The following DDAH1 variants were observed in gnomAD, a reference collection of about 807,000 sequenced individuals.
DDAH1 encodes the protein dimethylarginine dimethylaminohydrolase 1.
DDAH1 carries 19 observed loss-of-function variants against 28.8 expected under a neutral mutation model. That is an observed-to-expected ratio of 0.66 (90% CI 0.46 to 0.97). DDAH1 has a LOEUF of 0.97. Among genes scored for constraint, DDAH1 ranks in the 50% least tolerant of loss-of-function variants. The pLI is 0.00. For missense variants in DDAH1, 326 were observed against 375.9 expected (o/e 0.87, Z 1.10); for synonymous variants, 153 against 154.4 (o/e 0.99, Z 0.07).
chr1:85,486,632 C>A (rs781350607), intron 2 of DDAH1, among the ~76,000 whole-genome samples: 1 of 152,174 alleles, frequency 6.6e-6, no homozygotes, highest in Non-Finnish European at 1.5e-5. Context: ...TATGCTATGG[C>A]CCCTGAACTT....
At chr1:85,437,105 G>T (rs1653976434) in intron 1 of DDAH1, among the ~76,000 whole-genome samples, 1 of 152,088 alleles carries the variant, frequency 6.6e-6, no homozygotes, top group South Asian at 2.1e-4. Context: ...CTTCCACCTG[G>T]TTCTCCCTCT....
intron 4 of DDAH1, among the ~76,000 whole-genome samples, chr1:85,325,360 C>T (rs534563466): frequency 1.6e-4 from 24 of 151,930 alleles, no homozygotes; most frequent in East Asian, 1.4e-3. Context: ...TGCGTGCGCG[C>T]GCGCGCGCAC....
At chr1:85,328,541 A>G (rs1647561730) in intron 4 of DDAH1, among the ~76,000 whole-genome samples, 1 of 152,156 alleles carries the variant, frequency 6.6e-6, no homozygotes, top group African/African-American at 2.4e-5. Context: ...TGTGCTGTTG[A>G]GGGTGGACCA....
chr1:85,487,925 T>A (rs1656259270), intron 2 of DDAH1, among the ~76,000 whole-genome samples: 1 of 152,146 alleles, frequency 6.6e-6, no homozygotes, highest in Non-Finnish European at 1.5e-5. Context: ...GGTTTACACC[T>A]ATGATCCCAG....
At chr1:85,502,189 C>T (rs1440243590) in intron 1 of DDAH1, among the ~76,000 whole-genome samples, 1 of 152,166 alleles carries the variant, frequency 6.6e-6, no homozygotes, top group African/African-American at 2.4e-5. Flanking sequence ...TCTTTGAAGA[C>T]ACGGACAATG....
At chr1:85,359,527 C>T (rs573393329) in intron 1 of DDAH1, among the ~76,000 whole-genome samples, 3 of 152,326 alleles carry the variant, frequency 2.0e-5, no homozygotes, top group African/African-American at 7.2e-5. Context: ...ATTGCACACA[C>T]ACACACAGTA....
intron 1 of DDAH1, among the ~76,000 whole-genome samples, chr1:85,447,554 C>T (rs1005740995): frequency 6.6e-6 from 1 of 152,146 alleles, no homozygotes; most frequent in African/African-American, 2.4e-5. Flanking sequence ...CAATCTTCCT[C>T]CTCCTTCTTG....
chr1:85,432,582 C>T (rs1160699372), intron 1 of DDAH1, among the ~76,000 whole-genome samples: 2 of 152,242 alleles, frequency 1.3e-5, no homozygotes, highest in East Asian at 3.9e-4. Flanking sequence ...CCCTTAATGG[C>T]ACAATTGAAT....
intron 1 of DDAH1, among the ~76,000 whole-genome samples, chr1:85,419,540 T>TAAA (rs141947699): frequency 0.01 from 844 of 81,504 alleles, 31 homozygotes; most frequent in African/African-American, 0.043. Flanking sequence ...AACTCCATCT[T>TAAA]AAAAAAAAAA....
At chr1:85,573,672 T>C (rs1659520349) in intron 1 of DDAH1, among the ~76,000 whole-genome samples, 1 of 152,226 alleles carries the variant, frequency 6.6e-6, no homozygotes, top group African/African-American at 2.4e-5. Context: ...CAATGCCAGC[T>C]GCTTACATCA....
chr1:85,576,853 C>T lies in DDAH1; in HGVS notation c.-123+1131G>A, dbSNP rs148129689. 886 of 153,042 alleles carry T rather than the reference C, an allele frequency of 5.8e-3. 6 individuals are homozygous for T. The highest frequency in any genetic ancestry group is 0.048 in the Middle Eastern group (14 of 292). The allele number at this position is 153,042 out of a possible 1,614,324, so 9.5% of individuals were successfully genotyped here. A position where few individuals can be genotyped will look rare whatever the true frequency, so the allele number is the denominator to read the frequency against. On this transcript the variant is annotated intron_variant, in intron 1 of 6. Coordinates refer to the DDAH1 transcript ENST00000426972. The stretch of plus-strand genomic sequence containing the variant: ...CCCGGGTCTACCCCGCCGCCCGCAA[C>T]GCTCCGGGGTCCCGCGCGGAGGGAG...
intron 1 of DDAH1, among the ~76,000 whole-genome samples, chr1:85,565,605 C>A (rs1161633618): frequency 6.6e-6 from 1 of 152,102 alleles, no homozygotes; most frequent in East Asian, 1.9e-4. Flanking sequence ...AAAAGTTTTT[C>A]AGATATTCAA....
At chr1:85,562,157 AT>A (rs1386724779) in intron 1 of DDAH1, among the ~76,000 whole-genome samples, 1 of 152,176 alleles carries the variant, frequency 6.6e-6, no homozygotes, top group Non-Finnish European at 1.5e-5. Context: ...AGGCCAAAAA[AT>A]ATACAATGGC....
chr1:85,433,552 T>C (rs1175970911), intron 1 of DDAH1, among the ~76,000 whole-genome samples: 1 of 152,172 alleles, frequency 6.6e-6, no homozygotes, highest in Non-Finnish European at 1.5e-5. Context: ...ACAGGTATTA[T>C]CGTCAATCCA....
chr1:85,447,081 T>C (rs1654470079), intron 1 of DDAH1, among the ~76,000 whole-genome samples: 1 of 152,172 alleles, frequency 6.6e-6, no homozygotes, highest in South Asian at 2.1e-4. Context: ...AGGTCAGTGT[T>C]TGGATTCATT....
At chr1:85,537,178 CA>C (rs1207333935) in intron 1 of DDAH1, among the ~76,000 whole-genome samples, 1 of 151,182 alleles carries the variant, frequency 6.6e-6, no homozygotes, top group Non-Finnish European at 1.5e-5. Context: ...CAAAAAAATA[CA>C]AAAAATTAGC....
upstream of DDAH1, chr1:85,465,213 G>C: frequency 8.9e-7 from 1 of 1,121,206 alleles, no homozygotes; most frequent in South Asian, 4.3e-5. Context: ...GACTGAGCAT[G>C]CCCAGAGCTC....
At position 85,400,715 on chromosome 1, in the gene DDAH1, T is replaced by C. The variant is rs1013738217; in HGVS notation, c.304-41868A>G. Among the ~76,000 whole-genome samples the C allele has an allele frequency of 1.8e-4, 28 of 152,164 alleles. 1 individual carries two copies. Among genetic ancestry groups the C allele is most frequent in the Admixed American group, 1.8e-3 (28 of 15,266 alleles). On this transcript the variant is annotated intron_variant, in intron 1 of 5. Coordinates refer to ENST00000284031, the MANE Select transcript of DDAH1 (RefSeq NM_012137.4). The stretch of plus-strand genomic sequence containing the variant: ...TCTCAGAATCTGACCTGCCTGTATC[T>C]TTAGGCCCTCATAGACTAAAATACC...
At chr1:85,390,837 T>A (rs1450291470) in intron 1 of DDAH1, among the ~76,000 whole-genome samples, 1 of 152,162 alleles carries the variant, frequency 6.6e-6, no homozygotes, top group African/African-American at 2.4e-5. Flanking sequence ...GAATTATGGC[T>A]CAGGAAGCTG....
Sources: allele counts gnomAD v4.1 joint callset (sites outside exome capture counted in the v4.1 genomes callset), GRCh38; gene constraint gnomAD v4.1.1; transcripts MANE v1.5; gene names NCBI Gene and HGNC (gene_info 2026-07-23, HGNC 2026-07-21).